Variants in FBLN2 observed in about 807,000 individuals in gnomAD.
FBLN2 encodes fibulin 2.
FBLN2 carries 81 observed loss-of-function variants against 123.7 expected under a neutral mutation model. The ratio of observed to expected loss-of-function variants is 0.65; its 90% CI spans 0.55 to 0.79. The LOEUF (loss-of-function observed/expected upper bound fraction) is 0.79, where lower values mean the gene tolerates loss of function less well. Ranked by LOEUF, FBLN2 falls within the 30% of genes least tolerant of loss-of-function variation. FBLN2 has a pLI of 0.00. For synonymous variants in FBLN2, 699 were observed against 701.4 expected (o/e 1.00, Z 0.05); for missense variants, 1,603 against 1,681.3 (o/e 0.95, Z 0.81).
At chr3:13,596,779 A>G (rs1704855999) in intron 2 of FBLN2, among the ~76,000 whole-genome samples, 1 of 150,568 alleles carries the variant, frequency 6.6e-6, no homozygotes. Flanking sequence ...TGACTACTCT[A>G]AGGACCCCAT....
chr3:13,589,641 C>A (rs1002255909), intron 2 of FBLN2, among the ~76,000 whole-genome samples: 1 of 152,178 alleles, frequency 6.6e-6, no homozygotes, highest in Non-Finnish European at 1.5e-5. Context: ...GACACTGTAT[C>A]TTGCAACTCT....
chr3:13,619,521 TC>T lies in FBLN2; in HGVS notation c.2054-205del, dbSNP rs532041641. Among the ~76,000 whole-genome samples the T allele has an allele frequency of 4.7e-3, 711 of 152,298 alleles. 5 individuals are homozygous for T. The highest frequency in any genetic ancestry group is 0.016 in the African/African-American group (663 of 41,586). ...TGGGGGAGGTAGACCCAGAACGTCGTCCCCGACGCCAGACGGTGTTGGAGCA... is the reference window on the plus strand; with the variant it reads ...TGGGGGAGGTAGACCCAGAACGTCGTCCCGACGCCAGACGGTGTTGGAGCA... On this transcript the variant is annotated intron_variant, in intron 7 of 17. Coordinates refer to ENST00000404922, the MANE Select transcript of FBLN2 (RefSeq NM_001004019.2).
At chr3:13,558,621 A>G (rs1024661683) in intron 1 of FBLN2, among the ~76,000 whole-genome samples, 3 of 151,892 alleles carry the variant, frequency 2.0e-5, no homozygotes, top group Admixed American at 6.6e-5. Flanking sequence ...GGATTAATTA[A>G]TCTACCCCTC....
intron 7 of FBLN2, 120 bp from the exon 8 acceptor site, chr3:13,619,610 G>A: frequency 4.0e-6 from 3 of 759,302 alleles, no homozygotes; most frequent in Non-Finnish European, 4.3e-6. Context: ...CAGCATCCCT[G>A]CCTTCTAGGG....
intron 1 of FBLN2, among the ~76,000 whole-genome samples, chr3:13,561,779 G>A (rs1253211438): frequency 6.6e-6 from 1 of 152,212 alleles, no homozygotes; most frequent in Non-Finnish European, 1.5e-5. Flanking sequence ...CCCAGCACCT[G>A]CAGTGGGCTG....
At chr3:13,563,581 C>T (rs185926582) in intron 1 of FBLN2, among the ~76,000 whole-genome samples, 69 of 152,318 alleles carry the variant, frequency 4.5e-4, no homozygotes, top group African/African-American at 1.6e-3. Flanking sequence ...CGCTCTCCCC[C>T]GACAGACCAT....
chr3:13,561,849 G>C (rs928172847), intron 1 of FBLN2, among the ~76,000 whole-genome samples: 1 of 152,108 alleles, frequency 6.6e-6, no homozygotes, highest in Non-Finnish European at 1.5e-5. Flanking sequence ...CAACTTTCTC[G>C]GCCAGACAGA....
At chr3:13,565,102 A>G (rs988941275) in intron 1 of FBLN2, among the ~76,000 whole-genome samples, 3 of 152,052 alleles carry the variant, frequency 2.0e-5, no homozygotes, top group Admixed American at 1.3e-4. Flanking sequence ...CCTGCTGGAC[A>G]CTCCCTGGGG....
At chr3:13,619,525 C>T (rs550915094) in intron 7 of FBLN2, among the ~76,000 whole-genome samples, 6 of 152,334 alleles carry the variant, frequency 3.9e-5, no homozygotes, top group African/African-American at 9.6e-5. Context: ...ACGTCGTCCC[C>T]GACGCCAGAC....
At chr3:13,626,874 G>A (rs1392872961) in intron 10 of FBLN2, among the ~76,000 whole-genome samples, 3 of 152,194 alleles carry the variant, frequency 2.0e-5, no homozygotes, top group African/African-American at 4.8e-5. Context: ...CCCCCTTGCT[G>A]TGGCCTGGTT....
Position 13,636,427 on chromosome 3 carries a change from G to T in FBLN2, c.3215-18G>T. On this transcript the variant is annotated intron_variant, in intron 16 of 17. Transcript: ENST00000404922. Reference sequence around the variant, plus strand: ...CCCCAGCTGTGGGGACCCTGCCATTGCCCCTCTTCTCCCCCAGACGTGGAT... The same window carrying T: ...CCCCAGCTGTGGGGACCCTGCCATTTCCCCTCTTCTCCCCCAGACGTGGAT... 1 of 1,612,630 alleles carries T rather than the reference G, an allele frequency of 6.2e-7. No homozygotes were observed. Among genetic ancestry groups the T allele is most frequent in the Non-Finnish European group, 8.5e-7 (1 of 1,179,222 alleles).
chr3:13,614,836 C>A (rs1399315514), intron 5 of FBLN2, among the ~76,000 whole-genome samples: 5 of 151,348 alleles, frequency 3.3e-5, no homozygotes, highest in Admixed American at 3.3e-4. Context: ...ATCTACCTAC[C>A]CATCCATTCA....
At chr3:13,615,560 G>C (rs1705569467) in intron 5 of FBLN2, among the ~76,000 whole-genome samples, 1 of 152,240 alleles carries the variant, frequency 6.6e-6, no homozygotes, top group African/African-American at 2.4e-5. Context: ...CCTTCTCAGA[G>C]CCTTCACTGT....
intron 3 of FBLN2, 101 bp downstream of exon 3, chr3:13,608,274 C>T (rs1238772030): frequency 3.9e-6 from 3 of 765,390 alleles, no homozygotes; most frequent in South Asian, 1.7e-5. Flanking sequence ...AGAGAGTGCA[C>T]CTTCACATGC....
chr3:13,572,911 T>C (rs3773300), intron 2 of FBLN2, among the ~76,000 whole-genome samples: 29,982 of 152,162 alleles, frequency 0.2, 4,432 homozygotes, highest in African/African-American at 0.41. Flanking sequence ...CTAGCTTCCA[T>C]GGGGACCTGG....
intron 2 of FBLN2, among the ~76,000 whole-genome samples, chr3:13,592,820 A>T (rs993342916): frequency 1.3e-5 from 2 of 152,118 alleles, no homozygotes; most frequent in Non-Finnish European, 2.9e-5. Flanking sequence ...GCAACAGTTT[A>T]TTTAGCTCAT....
chr3:13,623,649 A>C (rs1204188855), intron 9 of FBLN2, among the ~76,000 whole-genome samples: 2 of 152,182 alleles, frequency 1.3e-5, no homozygotes, highest in African/African-American at 2.4e-5. Context: ...TGCGAGGCTT[A>C]TGCTAGGATC....
At chr3:13,613,843 C>T in intron 4 of FBLN2, 141 bp from the exon 5 acceptor site, 1 of 838,016 alleles carries the variant, frequency 1.2e-6, no homozygotes, top group Non-Finnish European at 1.8e-6. Flanking sequence ...AGGCAGAGGA[C>T]CCCTCTGCCC....
intron 1 of FBLN2, among the ~76,000 whole-genome samples, chr3:13,552,660 G>A (rs1703356315): frequency 6.6e-6 from 1 of 152,158 alleles, no homozygotes; most frequent in South Asian, 2.1e-4. Context: ...GCATTATAGG[G>A]TGGTGGGAGC....
Sources: allele counts gnomAD v4.1 joint callset (sites outside exome capture counted in the v4.1 genomes callset), GRCh38; gene constraint gnomAD v4.1.1; transcripts MANE v1.5; gene names NCBI Gene and HGNC (gene_info 2026-07-23, HGNC 2026-07-21).